Variants in COL24A1 observed in about 807,000 individuals in gnomAD.
COL24A1 encodes collagen type XXIV alpha 1 chain, also known as collagen alpha-1(XXIV) chain.
Under a neutral mutation model 253.9 loss-of-function variants are expected in COL24A1, and 224 were observed. The ratio of observed to expected loss-of-function variants is 0.88; its 90% CI spans 0.79 to 0.99. The LOEUF (loss-of-function observed/expected upper bound fraction) is 0.99, where lower values mean the gene tolerates loss of function less well. Ranked by LOEUF, COL24A1 falls within the 50% of genes least tolerant of loss-of-function variation. The pLI is 0.00. For synonymous variants in COL24A1, 685 were observed against 673.7 expected, an observed-to-expected ratio of 1.02 and a Z score of -0.26; for missense variants, 2,131 against 2,068.5, an observed-to-expected ratio of 1.03 and a Z score of -0.59.
rs181856611 is a variant in COL24A1 at position 85,760,729 on chromosome 1, G to C, written c.4437+667C>G. On this transcript the variant is annotated intron_variant, in intron 55 of 59. Transcript: ENST00000370571. ...AAGGACCACTGTATTTGACCAGGAG[G>C]CTGGAGGAGTGGGGTGTGGGTGAGG... Among the ~76,000 whole-genome samples the C allele has an allele frequency of 1.0e-3, 157 of 152,312 alleles. 1 individual carries two copies. The highest frequency in any genetic ancestry group is 3.7e-3 in the African/African-American group (152 of 41,578).
intron 26 of COL24A1, among the ~76,000 whole-genome samples, chr1:85,909,352 T>G (rs879121965): frequency 6.6e-6 from 1 of 151,888 alleles, no homozygotes; most frequent in African/African-American, 2.4e-5. Flanking sequence ...ATTTTCTGTA[T>G]GGAATATCCT....
At chr1:85,950,456 C>T (rs1025484317) in intron 24 of COL24A1, among the ~76,000 whole-genome samples, 1 of 152,042 alleles carries the variant, frequency 6.6e-6, no homozygotes, top group Non-Finnish European at 1.5e-5. Flanking sequence ...GTACCAATTA[C>T]AGAAAATACT....
chr1:86,156,034 C>T (rs1572106437), intron 1 of COL24A1: 1 of 286,644 alleles, frequency 3.5e-6, no homozygotes, highest in African/African-American at 2.2e-5. Flanking sequence ...ATCGTCGGAG[C>T]CCAGCTCTGG....
chr1:85,872,587 A>G (rs1680651648), intron 35 of COL24A1, among the ~76,000 whole-genome samples: 1 of 152,200 alleles, frequency 6.6e-6, no homozygotes, highest in African/African-American at 2.4e-5. Context: ...AGAAATAGGG[A>G]AAGGATTCCC....
intron 48 of COL24A1, among the ~76,000 whole-genome samples, chr1:85,784,788 T>C (rs366214): frequency 0.34 from 52,271 of 151,988 alleles, 10,940 homozygotes; most frequent in East Asian, 0.65. Context: ...TGTAGTGCAG[T>C]GATGTGATCA....
At chr1:85,757,119 C>G (rs1186250714) in intron 55 of COL24A1, among the ~76,000 whole-genome samples, 1 of 152,074 alleles carries the variant, frequency 6.6e-6, no homozygotes, top group Non-Finnish European at 1.5e-5. Flanking sequence ...AAAAAAAGTT[C>G]TAGGCATGGG....
At chr1:85,941,914 C>A (rs1688791865) in intron 24 of COL24A1, among the ~76,000 whole-genome samples, 1 of 152,092 alleles carries the variant, frequency 6.6e-6, no homozygotes, top group South Asian at 2.1e-4. Flanking sequence ...GCATACTGGG[C>A]ACATAGTAGG....
intron 2 of COL24A1, among the ~76,000 whole-genome samples, chr1:86,132,225 T>C (rs979627704): frequency 6.6e-6 from 1 of 152,222 alleles, no homozygotes; most frequent in African/African-American, 2.4e-5. Context: ...TGTTTTTTTC[T>C]TGTGAATTTG....
intron 53 of COL24A1, among the ~76,000 whole-genome samples, chr1:85,774,338 T>G (rs990905097): frequency 2.0e-5 from 3 of 152,130 alleles, no homozygotes; most frequent in Non-Finnish European, 4.4e-5. Context: ...TCTCTTTTTT[T>G]GTTGTGTCTC....
At chr1:85,803,561 T>C (rs182365947) in intron 47 of COL24A1, among the ~76,000 whole-genome samples, 1 of 151,178 alleles carries the variant, frequency 6.6e-6, no homozygotes, top group Non-Finnish European at 1.5e-5. Flanking sequence ...AGCAATGTTT[T>C]ATAGTTTTCA....
At chr1:85,977,061 T>A (rs1692757934) in intron 20 of COL24A1, among the ~76,000 whole-genome samples, 1 of 152,074 alleles carries the variant, frequency 6.6e-6, no homozygotes, top group African/African-American at 2.4e-5. Context: ...TTGCAGACAA[T>A]CTCCAGCACC....
rs532411539 is a variant in COL24A1 at position 86,081,008 on chromosome 1, T to C, written c.1707+8166A>G. Among the ~76,000 whole-genome samples the C allele has an allele frequency of 1.2e-3, 181 of 152,276 alleles. 3 individuals are homozygous for C. Among genetic ancestry groups the C allele is most frequent in the Middle Eastern group, 6.8e-3 (2 of 294 alleles). Reference sequence around the variant, plus strand: ...CCTTTAAATATTTTTGTTAAAGTGTTAAAAACTCTCTTACTGTTGGTTATA... The same window carrying C: ...CCTTTAAATATTTTTGTTAAAGTGTCAAAAACTCTCTTACTGTTGGTTATA... On this transcript the variant is annotated intron_variant, in intron 7 of 59. Coordinates refer to ENST00000370571, the MANE Select transcript of COL24A1 (RefSeq NM_152890.7).
At chr1:86,090,969 A>G (rs982204627) in intron 6 of COL24A1, among the ~76,000 whole-genome samples, 1 of 152,112 alleles carries the variant, frequency 6.6e-6, no homozygotes, top group Non-Finnish European at 1.5e-5. Flanking sequence ...TGTTTAATCT[A>G]GGGGTTTTAC....
At chr1:85,904,043 GGT>G (rs1367326333) in intron 28 of COL24A1, among the ~76,000 whole-genome samples, 1 of 151,934 alleles carries the variant, frequency 6.6e-6, no homozygotes, top group Non-Finnish European at 1.5e-5. Context: ...CCCCCTATAT[GGT>G]AAGCATTTCC....
chr1:85,909,218 T>G (rs1196694060), intron 26 of COL24A1, among the ~76,000 whole-genome samples: 1 of 151,782 alleles, frequency 6.6e-6, no homozygotes, highest in African/African-American at 2.4e-5. Context: ...TGACAGCAAC[T>G]GGAAATTGCA....
chr1:86,021,924 A>C (rs1697575297), intron 18 of COL24A1, among the ~76,000 whole-genome samples: 2 of 152,176 alleles, frequency 1.3e-5, no homozygotes, highest in Admixed American at 1.3e-4. Context: ...AATATTATTT[A>C]AGGTGCTTTA....
chr1:85,913,029 C>T (rs1685526196), intron 24 of COL24A1, among the ~76,000 whole-genome samples: 1 of 152,080 alleles, frequency 6.6e-6, no homozygotes, highest in Non-Finnish European at 1.5e-5. Context: ...TTTTGACTTG[C>T]ATTGTATGTC....
chr1:86,046,827 G>C lies in COL24A1; in HGVS notation c.1948C>G (p.Gln650Glu), dbSNP rs2101648424. The change falls in exon 12 of 60, where the codon CAG becomes GAG. Residue 650 changes from glutamine to glutamate, a missense_variant and splice_region_variant. By Grantham distance (29) the Gln-to-Glu change is conservative. Coordinates refer to ENST00000370571, the MANE Select transcript of COL24A1 (RefSeq NM_152890.7). ...IRGKKGFKGR[Q>E]GFPGDFGDRG... ...TCAAAAAACACAAATTAAGATACCT[G>C]TCTCCCCTTAAAACCCTTCTTTCCA... 1 of 1,611,486 alleles carries C rather than the reference G, an allele frequency of 6.2e-7. No individual in the cohort carries two copies. Among genetic ancestry groups the C allele is most frequent in the African/African-American group, 1.3e-5 (1 of 74,936 alleles).
At chr1:86,133,227 CT>C (rs1649586777) in intron 2 of COL24A1, among the ~76,000 whole-genome samples, 1 of 152,070 alleles carries the variant, frequency 6.6e-6, no homozygotes, top group Non-Finnish European at 1.5e-5. Context: ...GCTGAAGTTG[CT>C]TATCAGCTTA....
Sources: allele counts gnomAD v4.1 joint callset (sites outside exome capture counted in the v4.1 genomes callset), GRCh38; gene constraint gnomAD v4.1.1; transcripts MANE v1.5; gene names NCBI Gene and HGNC (gene_info 2026-07-23, HGNC 2026-07-21).